RAPH1: variants seen among roughly 807,000 people sequenced by gnomAD.
RAPH1 encodes ras-associated and pleckstrin homology domains-containing protein 1.
Under a neutral mutation model 88.1 loss-of-function variants are expected in RAPH1, and 18 were observed. The ratio of observed to expected loss-of-function variants is 0.20; its 90% CI spans 0.14 to 0.30. The LOEUF is 0.30. RAPH1 is among the 10% of genes least tolerant of loss of function. The pLI is 1.00. For missense variants in RAPH1, 1,448 were observed against 1,543.2 expected (o/e 0.94, Z 1.03); for synonymous variants, 587 against 559.0 (o/e 1.05, Z -0.71).
At chr2:203,451,191 T>C (rs1285330865) in intron 10 of RAPH1, among the ~76,000 whole-genome samples, 2 of 152,216 alleles carry the variant, frequency 1.3e-5, no homozygotes, top group Non-Finnish European at 2.9e-5. Context: ...GCTAATACAT[T>C]ATTTTATTAA....
At chr2:203,485,516 T>C (rs1366963124) in intron 4 of RAPH1, among the ~76,000 whole-genome samples, 1 of 151,928 alleles carries the variant, frequency 6.6e-6, no homozygotes, top group Non-Finnish European at 1.5e-5. Flanking sequence ...CTGGTCCATA[T>C]ACACTCACCA....
intron 12 of RAPH1, chr2:203,446,773 T>A (rs571580646): frequency 7.4e-4 from 113 of 152,298 alleles, no homozygotes; most frequent in African/African-American, 2.6e-3. Flanking sequence ...AGACAGGGTC[T>A]CGTTCTGTTG....
intron 10 of RAPH1, among the ~76,000 whole-genome samples, chr2:203,452,791 T>C (rs548591206): frequency 3.9e-5 from 6 of 152,060 alleles, no homozygotes; most frequent in African/African-American, 1.4e-4. Context: ...GTCCTAAAAA[T>C]ACAAAAATTA....
At chr2:203,481,450 C>A (rs977338938) in intron 4 of RAPH1, among the ~76,000 whole-genome samples, 13 of 151,968 alleles carry the variant, frequency 8.6e-5, no homozygotes, top group African/African-American at 2.9e-4. Context: ...TTCTATTTTG[C>A]CCCCTTTTCT....
At chr2:203,526,570 C>G (rs1690126133) in intron 1 of RAPH1, among the ~76,000 whole-genome samples, 2 of 151,776 alleles carry the variant, frequency 1.3e-5, no homozygotes, top group African/African-American at 4.8e-5. Flanking sequence ...ACCAAAAATA[C>G]AAAAATTAGC....
intron 1 of RAPH1, among the ~76,000 whole-genome samples, chr2:203,520,608 C>G (rs903551610): frequency 6.7e-6 from 1 of 150,146 alleles, no homozygotes; most frequent in Non-Finnish European, 1.5e-5. Context: ...GCCTGGGCAA[C>G]AAGAGTGAAG....
At chr2:203,494,048 G>A (rs1688401503) in intron 2 of RAPH1, among the ~76,000 whole-genome samples, 1 of 148,290 alleles carries the variant, frequency 6.7e-6, no homozygotes, top group African/African-American at 2.5e-5. Context: ...AACAGATTAT[G>A]GTCACAAAGA....
At chr2:203,441,674 C>T (rs1008628361) in intron 13 of RAPH1, 12 of 1,303,114 alleles carry the variant, frequency 9.2e-6, no homozygotes, top group East Asian at 3.2e-5. Flanking sequence ...GAAAAATGTC[C>T]GGCTGCAAAA....
At chr2:203,488,440 T>A (rs1004635234) in intron 4 of RAPH1, among the ~76,000 whole-genome samples, 5 of 151,370 alleles carry the variant, frequency 3.3e-5, no homozygotes, top group African/African-American at 1.2e-4. Flanking sequence ...AATACAAAAA[T>A]TAGCCAGGCA....
rs768853766 is a variant in RAPH1 at position 203,506,812 on chromosome 2, C to CTATATA, written c.1-11465_1-11460dup. Among the ~76,000 whole-genome samples the CTATATA allele has an allele frequency of 4.0e-4, 21 of 52,216 alleles. 2 individuals are homozygous for CTATATA. The highest frequency in any genetic ancestry group is 1.8e-3 in the Admixed American group (7 of 3,794). 34.3% of individuals were successfully genotyped at this position (52,216 alleles called of 152,430 possible). A position where few individuals can be genotyped will look rare whatever the true frequency, so the allele number is the denominator to read the frequency against. ...TATATATCTATATATATATCTATATCTATATATCTATATATATATCTATAT... is the reference window on the plus strand; with the variant it reads ...TATATATCTATATATATATCTATATCTATATATATATATCTATATATATATCTATAT... On this transcript the variant is annotated intron_variant, in intron 1 of 13. Coordinates refer to ENST00000319170, the MANE Select transcript of RAPH1 (RefSeq NM_213589.3).
intron 1 of RAPH1, among the ~76,000 whole-genome samples, chr2:203,525,536 T>C (rs916020387): frequency 2.0e-5 from 3 of 151,836 alleles, no homozygotes; most frequent in Non-Finnish European, 4.4e-5. Context: ...ACTACTGATA[T>C]AAGCAACAAC....
At position 203,461,386 on chromosome 2, in the gene RAPH1, G is replaced by A; in HGVS notation, c.833C>T (p.Ser278Phe). The change falls in exon 6 of 14, where the codon TCT becomes TTT. Residue 278 changes from serine to phenylalanine, a missense_variant. Around this residue, in one of 2 missense-constraint regions of RAPH1, gnomAD observed 513 missense variants for 653.1 expected, o/e 0.79. Coordinates refer to ENST00000319170, the MANE Select transcript of RAPH1 (RefSeq NM_213589.3). ...CATCATTGTTTTAGAACTGTCATCA[G>A]ACATGTGGACTCTGATCACCAGCTA... Reference protein sequence around the residue: ...VKKLVIRVHMSDDSSKTMMVD... With the variant: ...VKKLVIRVHMFDDSSKTMMVD... 1.2e-6 allele frequency: 2 copies of A among 1,605,072 alleles called. No homozygotes were observed. The highest frequency in any genetic ancestry group is 1.7e-6 in the Non-Finnish European group (2 of 1,175,608).
At chr2:203,457,719 C>CTT (rs2098520931) in intron 7 of RAPH1, 124 bp from the exon 8 acceptor site, 1 of 766,576 alleles carries the variant, frequency 1.3e-6, no homozygotes, top group Non-Finnish European at 2.3e-6. Flanking sequence ...AATAGCAACT[C>CTT]TGATTTCTGT....
chr2:203,530,429 T>C (rs1347228172), intron 1 of RAPH1, among the ~76,000 whole-genome samples: 1 of 152,210 alleles, frequency 6.6e-6, no homozygotes, highest in East Asian at 1.9e-4. Context: ...AGGTAAGCAG[T>C]TGCAGCTCTT....
Position 203,528,141 on chromosome 2 carries a change from C to T in RAPH1, c.-1+6970G>A, listed in dbSNP as rs1453628689. Among the ~76,000 whole-genome samples the T allele has an allele frequency of 2.6e-5, 4 of 152,004 alleles. No homozygotes were observed. In the South Asian group the frequency reaches 6.2e-4, roughly 24 times the overall value. ...TGAATTTCTGTTGTAAGTGGCTGTG[C>T]TGTGGCAGTATGCTACCTAGACATA... On this transcript the variant is annotated intron_variant, in intron 1 of 13. Transcript: ENST00000319170.
At chr2:203,441,743 A>AGCCT in intron 13 of RAPH1, 1 of 1,285,350 alleles carries the variant, frequency 7.8e-7, no homozygotes, top group Non-Finnish European at 9.8e-7. Context: ...ACTTTGACAC[A>AGCCT]GCCTGCCCTA....
chr2:203,440,721 G>A lies in RAPH1; in HGVS notation c.2469C>T (p.Tyr823=), dbSNP rs1392271352. 6 of 1,607,540 alleles carry A rather than the reference G, an allele frequency of 3.7e-6. No homozygotes were observed. The highest frequency in any genetic ancestry group is 4.2e-6 in the Non-Finnish European group (5 of 1,176,590). ...GAGGGGTAGGGGGAGAGGGTGGAAT[G>A]TAAGAAGCAGGGAAAGCTGGCTGCT... ...AKKQPAFPAS[Y]IPPSPPTPPV... Residue 823 remains tyrosine (Y), a synonymous_variant, in exon 14 of 14, where the codon TAC becomes TAT. Transcript: ENST00000319170.
intron 3 of RAPH1, 96 bp downstream of exon 3, chr2:203,491,118 T>A: frequency 1.5e-6 from 1 of 667,442 alleles, no homozygotes; most frequent in Non-Finnish European, 2.5e-6. Flanking sequence ...ATGTAGCTTT[T>A]ATATCGAGTT....
At chr2:203,459,371 A>C (rs16839813) in intron 7 of RAPH1, among the ~76,000 whole-genome samples, 14,640 of 152,186 alleles carry the variant, frequency 0.096, 810 homozygotes, top group Admixed American at 0.13. Flanking sequence ...AATTTTGTAA[A>C]ATGTCTAGGT....
Sources: allele counts gnomAD v4.1 joint callset (sites outside exome capture counted in the v4.1 genomes callset), GRCh38; gene constraint gnomAD v4.1.1; regional missense constraint gnomAD v4.1.1; transcripts MANE v1.5; gene names NCBI Gene and HGNC (gene_info 2026-07-23, HGNC 2026-07-21).